Variants in TSHZ2 observed in about 807,000 individuals in gnomAD.
The protein encoded by TSHZ2 is teashirt homolog 2.
Under a neutral mutation model 74.4 loss-of-function variants are expected in TSHZ2, and 21 were observed. The ratio of observed to expected loss-of-function variants is 0.28; its 90% CI spans 0.20 to 0.41. The LOEUF is 0.41. TSHZ2 is among the 10% of genes least tolerant of loss of function. The pLI is 1.00. For missense variants in TSHZ2, 1,244 were observed against 1,293.5 expected (o/e 0.96, Z 0.59); for synonymous variants, 540 against 515.3 (o/e 1.05, Z -0.65).
At chr20:53,316,670 A>G (rs1035836229) in intron 2 of TSHZ2, among the ~76,000 whole-genome samples, 1 of 151,672 alleles carries the variant, frequency 6.6e-6, no homozygotes. Context: ...GGGTAAGTTC[A>G]TCAAAGCTGA....
chr20:53,332,371 C>T (rs1280673553), intron 2 of TSHZ2, among the ~76,000 whole-genome samples: 1 of 152,080 alleles, frequency 6.6e-6, no homozygotes, highest in Non-Finnish European at 1.5e-5. Context: ...GTTCAAAGGT[C>T]CTGGGGTGCA....
chr20:53,048,706 G>T (rs566153160), intron 1 of TSHZ2, among the ~76,000 whole-genome samples: 1 of 152,124 alleles, frequency 6.6e-6, no homozygotes, highest in Non-Finnish European at 1.5e-5. Context: ...AGGCTCTTTG[G>T]AAACAGTCAG....
At chr20:53,296,492 G>A (rs1350864302) in intron 2 of TSHZ2, among the ~76,000 whole-genome samples, 2 of 152,174 alleles carry the variant, frequency 1.3e-5, no homozygotes, top group Non-Finnish European at 2.9e-5. Context: ...GGTGAAAAGT[G>A]CTGTCGAAAA....
At chr20:53,030,183 A>G (rs910653258) in intron 1 of TSHZ2, among the ~76,000 whole-genome samples, 3 of 152,082 alleles carry the variant, frequency 2.0e-5, no homozygotes, top group Admixed American at 6.6e-5. Flanking sequence ...CAGAGCTAAG[A>G]TTTGAACCCC....
At position 53,333,060 on chromosome 20, in the gene TSHZ2, T is replaced by TCTC. The variant is rs1979790481; in HGVS notation, c.*8+76491_*8+76493dup. 2.6e-5 allele frequency among the ~76,000 whole-genome samples: 4 copies of TCTC among 152,202 alleles called. No homozygotes were observed. In the South Asian group the frequency reaches 8.3e-4, roughly 32 times the overall value. On this transcript the variant is annotated intron_variant, in intron 2 of 2. Coordinates refer to ENST00000371497, the MANE Select transcript of TSHZ2 (RefSeq NM_173485.6). ...AACTCAGATCTCAACTCAGAAGGTATCTCCCTCTTCTATCCCATAAGCTCC... is the reference window on the plus strand; with the variant it reads ...AACTCAGATCTCAACTCAGAAGGTATCTCCTCCCTCTTCTATCCCATAAGCTCC...
intron 2 of TSHZ2, among the ~76,000 whole-genome samples, chr20:53,269,899 A>G (rs988862998): frequency 6.6e-6 from 1 of 152,234 alleles, no homozygotes; most frequent in South Asian, 2.1e-4. Context: ...TATTATCAGT[A>G]ACAATGAAGT....
intron 2 of TSHZ2, among the ~76,000 whole-genome samples, chr20:53,365,507 A>G (rs1157203015): frequency 6.6e-6 from 1 of 152,188 alleles, no homozygotes; most frequent in Admixed American, 6.5e-5. Flanking sequence ...TTTTTTACTT[A>G]CAGTAAGTGA....
chr20:53,034,971 A>G (rs915379590), intron 1 of TSHZ2, among the ~76,000 whole-genome samples: 4 of 152,232 alleles, frequency 2.6e-5, no homozygotes, highest in Non-Finnish European at 5.9e-5. Context: ...TATAGAGATC[A>G]GGATAGCAGG....
intron 1 of TSHZ2, among the ~76,000 whole-genome samples, chr20:53,053,650 A>T (rs1327771678): frequency 6.6e-6 from 1 of 152,198 alleles, no homozygotes; most frequent in East Asian, 1.9e-4. Context: ...GGAAATCAAT[A>T]GGAGGGATAA....
chr20:53,484,380 CTCTT>C (rs1415549276), intron 2 of TSHZ2, among the ~76,000 whole-genome samples: 2,897 of 139,870 alleles, frequency 0.021, 98 homozygotes, highest in African/African-American at 0.071. Flanking sequence ...TTTTATCTCT[CTCTT>C]TTTTTTTTTT....
At chr20:53,414,833 C>G (rs1020572461) in intron 2 of TSHZ2, among the ~76,000 whole-genome samples, 12 of 152,160 alleles carry the variant, frequency 7.9e-5, no homozygotes, top group Non-Finnish European at 1.8e-4. Context: ...AGTGACCAGG[C>G]TCCTGAGTGG....
chr20:53,210,286 A>G (rs1412748712), intron 1 of TSHZ2, among the ~76,000 whole-genome samples: 4 of 152,350 alleles, frequency 2.6e-5, no homozygotes, highest in South Asian at 2.1e-4. Context: ...CAGAGAGCCA[A>G]TGTGACAGCT....
rs1308260145 is a variant in TSHZ2 at position 53,137,073 on chromosome 20, G to A, written c.41-116426G>A. 2.0e-5 allele frequency among the ~76,000 whole-genome samples: 3 copies of A among 152,030 alleles called. No homozygotes were observed. The East Asian group carries it at 5.8e-4, about 29-fold the overall frequency. On this transcript the variant is annotated intron_variant, in intron 1 of 2. Transcript: ENST00000371497. The stretch of plus-strand genomic sequence containing the variant: ...CTGTCCCTGTGTGGGGATGGCGCTT[G>A]GGTTCCGAAAAATTAAAATACATGC...
At chr20:53,014,890 A>G (rs1244298665) in intron 1 of TSHZ2, among the ~76,000 whole-genome samples, 1 of 152,136 alleles carries the variant, frequency 6.6e-6, no homozygotes, top group East Asian at 1.9e-4. Flanking sequence ...CAATGAATGG[A>G]TACATTTTGT....
intron 1 of TSHZ2, among the ~76,000 whole-genome samples, chr20:53,104,659 C>T (rs1272816382): frequency 1.3e-5 from 2 of 152,160 alleles, no homozygotes; most frequent in Admixed American, 6.5e-5. Flanking sequence ...ATGATGAATA[C>T]CATTCTTTAA....
intron 2 of TSHZ2, among the ~76,000 whole-genome samples, chr20:53,429,031 T>G (rs1023559400): frequency 2.6e-5 from 4 of 152,254 alleles, no homozygotes; most frequent in African/African-American, 9.6e-5. Context: ...CTATAGTTAC[T>G]GCTATTCAGA....
chr20:53,091,432 G>A (rs1985882145), intron 1 of TSHZ2, among the ~76,000 whole-genome samples: 1 of 152,202 alleles, frequency 6.6e-6, no homozygotes, highest in African/African-American at 2.4e-5. Context: ...TTCCAGCAAA[G>A]CTACAGATTC....
intron 1 of TSHZ2, among the ~76,000 whole-genome samples, chr20:53,071,021 C>A (rs781279420): frequency 6.6e-6 from 1 of 152,128 alleles, no homozygotes; most frequent in African/African-American, 2.4e-5. Context: ...ACCGTTAGAA[C>A]GAAACAATTT....
At chr20:53,183,070 A>G (rs1261085402) in intron 1 of TSHZ2, among the ~76,000 whole-genome samples, 2 of 152,162 alleles carry the variant, frequency 1.3e-5, no homozygotes, top group African/African-American at 4.8e-5. Flanking sequence ...ATTTTTCAAC[A>G]TTACCCAAAG....
Sources: gnomAD v4.1 joint callset for allele counts (sites outside exome capture counted in the v4.1 genomes callset) on GRCh38, gnomAD v4.1.1 for gene constraint, MANE v1.5 for transcripts, NCBI Gene and HGNC (gene_info 2026-07-23, HGNC 2026-07-21) for gene names.